METTL21A: variants seen among roughly 807,000 people sequenced by gnomAD.
The protein encoded by METTL21A is protein N-lysine methyltransferase METTL21A.
Under a neutral mutation model 20.9 loss-of-function variants are expected in METTL21A, and 22 were observed. The ratio of observed to expected loss-of-function variants is 1.05; its 90% CI spans 0.75 to 1.50. The LOEUF (loss-of-function observed/expected upper bound fraction) is 1.50, where lower values mean the gene tolerates loss of function less well. Among genes scored for constraint, METTL21A ranks in the 40% most tolerant of loss-of-function variants. The pLI, the probability that METTL21A is intolerant of heterozygous loss-of-function variation, is 0.00. For missense variants in METTL21A, 271 were observed against 266.8 expected (o/e 1.02, Z -0.11); for synonymous variants, 93 against 102.0 (o/e 0.91, Z 0.53).
At position 207,583,028 on chromosome 2, in the gene METTL21A, A is replaced by G. The variant is rs922692761; in HGVS notation, c.260-868T>C. ...GTTTTCCATAGCCCACATTCAAGAA[A>G]AAAAGTAACAATATAACAATTTTTT... On this transcript the variant is annotated intron_variant, in intron 3 of 3. Transcript: ENST00000425132. 2.6e-5 allele frequency: 4 copies of G among 154,042 alleles called. No homozygotes were observed. The Admixed American group carries it at 2.6e-4, about 10-fold the overall frequency. The allele number at this position is 154,042 out of a possible 1,614,324, so 9.5% of individuals were successfully genotyped here. A position where few individuals can be genotyped will look rare whatever the true frequency, so the allele number is the denominator to read the frequency against.
chr2:207,592,638 T>C (rs2952766), intron 3 of METTL21A, among the ~76,000 whole-genome samples: 128,417 of 152,060 alleles, frequency 0.84, 54,412 homozygotes, highest in East Asian at 1. Flanking sequence ...AGAAAATTCT[T>C]GGCCAGGTGC....
intron 3 of METTL21A, among the ~76,000 whole-genome samples, chr2:207,619,049 G>A (rs2090150990): frequency 1.3e-5 from 2 of 152,112 alleles, no homozygotes; most frequent in African/African-American, 2.4e-5. Flanking sequence ...TTACCATGCA[G>A]GGTGACTGTG....
At chr2:207,580,864 C>G (rs1260265840), downstream of METTL21A, 1 of 219,184 alleles carries the variant, frequency 4.6e-6, no homozygotes, top group Non-Finnish European at 9.2e-6. Context: ...GATAGAGCAG[C>G]ACGTCTTTGA....
At chr2:207,622,970 C>T (rs1244666180) in intron 2 of METTL21A, among the ~76,000 whole-genome samples, 4 of 151,162 alleles carry the variant, frequency 2.6e-5, no homozygotes, top group Admixed American at 1.3e-4. Flanking sequence ...TGCAGTGGTG[C>T]AATCCCAGCT....
chr2:207,622,191 G>A (rs1354920060), intron 2 of METTL21A, among the ~76,000 whole-genome samples: 2 of 141,152 alleles, frequency 1.4e-5, no homozygotes, highest in Non-Finnish European at 3.0e-5. Context: ...TTGAGATGGA[G>A]TCTCAGTCCA....
At chr2:207,622,645 G>A (rs1265466582) in intron 2 of METTL21A, among the ~76,000 whole-genome samples, 4 of 152,212 alleles carry the variant, frequency 2.6e-5, no homozygotes, top group South Asian at 2.1e-4. Context: ...TTGCCCAAGG[G>A]TCTCTGAACT....
At chr2:207,617,087 A>G (rs1449402019) in intron 3 of METTL21A, among the ~76,000 whole-genome samples, 3 of 152,262 alleles carry the variant, frequency 2.0e-5, no homozygotes, top group Non-Finnish European at 4.4e-5. Flanking sequence ...GACTGACCCA[A>G]TAGGACAACA....
At chr2:207,592,506 T>C (rs918315008) in intron 3 of METTL21A, among the ~76,000 whole-genome samples, 8 of 152,204 alleles carry the variant, frequency 5.3e-5, no homozygotes, top group Admixed American at 5.2e-4. Context: ...TGCCTCTGAT[T>C]TGCAGCAATT....
intron 3 of METTL21A, among the ~76,000 whole-genome samples, chr2:207,583,998 G>T (rs1303176689): frequency 6.6e-6 from 1 of 152,074 alleles, no homozygotes; most frequent in African/African-American, 2.4e-5. Flanking sequence ...TGATTTTGTT[G>T]CATGAATCAG....
At chr2:207,622,312 C>T (rs763632904) in intron 2 of METTL21A, among the ~76,000 whole-genome samples, 4 of 152,142 alleles carry the variant, frequency 2.6e-5, no homozygotes, top group Non-Finnish European at 5.9e-5. Flanking sequence ...GGGACACAGG[C>T]GTGCACCACC....
intron 3 of METTL21A, among the ~76,000 whole-genome samples, chr2:207,593,547 G>T (rs2085489737): frequency 1.3e-5 from 2 of 152,036 alleles, no homozygotes; most frequent in Admixed American, 1.3e-4. Flanking sequence ...AAAAATAGAA[G>T]CAAATGCTAC....
chr2:207,604,523 A>G (rs1217005896), downstream of METTL21A, among the ~76,000 whole-genome samples: 5 of 152,192 alleles, frequency 3.3e-5, no homozygotes, highest in African/African-American at 1.2e-4. Context: ...ACCGGATGAG[A>G]ATTCTAACAC....
chr2:207,614,308 T>C (rs1315949011), intron 3 of METTL21A, among the ~76,000 whole-genome samples: 5 of 151,812 alleles, frequency 3.3e-5, no homozygotes, highest in Non-Finnish European at 5.9e-5. Flanking sequence ...AGGTGGGATA[T>C]CATGTGAGTA....
downstream of METTL21A, among the ~76,000 whole-genome samples, chr2:207,608,301 C>T (rs1335377647): frequency 6.6e-6 from 1 of 152,082 alleles, no homozygotes; most frequent in Non-Finnish European, 1.5e-5. Context: ...ACTTTTCACA[C>T]CCTAATCTCA....
intron 3 of METTL21A, among the ~76,000 whole-genome samples, chr2:207,617,384 A>G (rs1352525982): frequency 1.3e-5 from 2 of 152,206 alleles, no homozygotes; most frequent in Admixed American, 6.5e-5. Flanking sequence ...GCAGAGGTCA[A>G]AGAAAAAATC....
chr2:207,594,380 T>C (rs1375670946), intron 3 of METTL21A, among the ~76,000 whole-genome samples: 2 of 152,170 alleles, frequency 1.3e-5, no homozygotes, highest in Non-Finnish European at 2.9e-5. Context: ...CAACTCCCCA[T>C]TTCCTCGTTC....
intron 3 of METTL21A, chr2:207,597,081 G>A (rs2106636803): frequency 6.3e-7 from 1 of 1,578,984 alleles, no homozygotes; most frequent in African/African-American, 1.4e-5. Flanking sequence ...ATTTTCACCT[G>A]TTAAGGTGGA....
intron 3 of METTL21A, among the ~76,000 whole-genome samples, chr2:207,588,932 A>G (rs2084441621): frequency 6.6e-6 from 1 of 152,076 alleles, no homozygotes; most frequent in African/African-American, 2.4e-5. Context: ...ACAAATTATC[A>G]TGTCACCTAC....
chr2:207,604,097 G>T (rs1412472156), intron 3 of METTL21A, among the ~76,000 whole-genome samples: 1 of 152,190 alleles, frequency 6.6e-6, no homozygotes, highest in Non-Finnish European at 1.5e-5. Context: ...CAATAGGCAT[G>T]AACTAGGATT....
Sources: gnomAD v4.1 joint callset for allele counts (sites outside exome capture counted in the v4.1 genomes callset) on GRCh38, gnomAD v4.1.1 for gene constraint, MANE v1.5 for transcripts, NCBI Gene and HGNC (gene_info 2026-07-23, HGNC 2026-07-21) for gene names.